CPVL: variants seen among roughly 807,000 people sequenced by gnomAD.
CPVL encodes probable serine carboxypeptidase CPVL.
Under a neutral mutation model 63.7 loss-of-function variants are expected in CPVL, and 51 were observed. The observed-to-expected ratio is 0.80, with a 90% CI of 0.64 to 1.01. The LOEUF (loss-of-function observed/expected upper bound fraction) is 1.01. Among genes scored for constraint, CPVL ranks in the 50% least tolerant of loss-of-function variants. The probability of loss-of-function intolerance (pLI) is 0.00; values close to 1 mark genes in which losing one functional copy is unlikely to be tolerated. For synonymous variants in CPVL, 195 were observed against 206.0 expected (o/e 0.95, Z 0.46); for missense variants, 530 against 573.1 (o/e 0.92, Z 0.77).
chr7:29,085,800 C>G (rs1490382528), intron 7 of CPVL, among the ~76,000 whole-genome samples: 1 of 152,158 alleles, frequency 6.6e-6, no homozygotes, highest in Non-Finnish European at 1.5e-5. Flanking sequence ...AATGATCTTG[C>G]TCAAATGTTT....
At chr7:29,070,631 C>A (rs914702889) in intron 9 of CPVL, among the ~76,000 whole-genome samples, 1 of 152,120 alleles carries the variant, frequency 6.6e-6, no homozygotes, top group African/African-American at 2.4e-5. Context: ...CACTTTGCAG[C>A]CACATTTAGT....
At chr7:29,036,441 A>C (rs1241607427) in intron 11 of CPVL, among the ~76,000 whole-genome samples, 1 of 152,222 alleles carries the variant, frequency 6.6e-6, no homozygotes, top group Non-Finnish European at 1.5e-5. Flanking sequence ...AAACCTTCAG[A>C]ATATAGGGAT....
intron 2 of CPVL, among the ~76,000 whole-genome samples, chr7:29,120,580 T>C (rs895705657): frequency 1.4e-4 from 21 of 151,960 alleles, no homozygotes; most frequent in Admixed American, 1.2e-3. Context: ...TCCCAGCACT[T>C]TGGGAGGCCG....
At chr7:29,156,438 C>A (rs1007906837) in intron 5 of CPVL, among the ~76,000 whole-genome samples, 6 of 152,102 alleles carry the variant, frequency 3.9e-5, no homozygotes, top group African/African-American at 1.4e-4. Flanking sequence ...CCGAAAACTC[C>A]ATAAAGCTCT....
intron 12 of CPVL, among the ~76,000 whole-genome samples, chr7:29,006,417 A>G (rs924310549): frequency 2.0e-5 from 3 of 152,194 alleles, no homozygotes; most frequent in African/African-American, 4.8e-5. Flanking sequence ...GGCTCTGGAA[A>G]TCAGATGAGC....
At chr7:29,180,114 C>A (rs181462597) in intron 5 of CPVL, among the ~76,000 whole-genome samples, 3 of 152,146 alleles carry the variant, frequency 2.0e-5, no homozygotes, top group African/African-American at 7.2e-5. Context: ...CTTAATATTC[C>A]GAAGTCAATC....
intron 5 of CPVL, among the ~76,000 whole-genome samples, chr7:29,166,472 C>T (rs1335644611): frequency 2.0e-5 from 3 of 151,834 alleles, no homozygotes; most frequent in Admixed American, 1.3e-4. Context: ...TTTGTTTGTT[C>T]GTTTGTTTGT....
intron 1 of CPVL, among the ~76,000 whole-genome samples, chr7:29,134,633 A>G (rs1004230859): frequency 5.9e-5 from 9 of 152,228 alleles, no homozygotes; most frequent in African/African-American, 2.2e-4. Flanking sequence ...TAATCTTAAG[A>G]AATCTTAAGA....
At chr7:29,148,100 A>G (rs1208599383), upstream of CPVL, among the ~76,000 whole-genome samples, 1 of 152,212 alleles carries the variant, frequency 6.6e-6, no homozygotes, top group Non-Finnish European at 1.5e-5. Flanking sequence ...ATGTTCGCCC[A>G]TGGGAGTACA....
rs913045614 is a variant in CPVL, at chr7:29,071,893, G to GC, written c.743dup (p.Tyr249LeufsTer13). ...CAATTTGGTACAGGAATTCTGCATA[G>GC]CCCCCTATAATCTGAGGACAAAAAA... is the stretch of plus-strand genomic sequence containing the variant. On this transcript the variant is annotated frameshift_variant, in exon 9 of 13. Transcript: ENST00000265394. LOFTEE classifies it high-confidence loss of function. 1 of 1,613,968 alleles carries GC rather than the reference G, an allele frequency of 6.2e-7. No homozygotes were observed. The highest frequency in any genetic ancestry group is 1.3e-5 in the African/African-American group (1 of 74,918).
chr7:29,183,693 C>A (rs965374640), intron 4 of CPVL, among the ~76,000 whole-genome samples: 1 of 151,856 alleles, frequency 6.6e-6, no homozygotes, highest in Non-Finnish European at 1.5e-5. Flanking sequence ...TTTTTAAGTG[C>A]TGAATTGGTG....
At chr7:29,017,396 G>A (rs1178910913) in intron 12 of CPVL, among the ~76,000 whole-genome samples, 1 of 152,230 alleles carries the variant, frequency 6.6e-6, no homozygotes, top group Non-Finnish European at 1.5e-5. Flanking sequence ...CACTTTGGGA[G>A]GCCGAGGCAG....
intron 2 of CPVL, among the ~76,000 whole-genome samples, chr7:29,114,036 G>A (rs1037849360): frequency 2.6e-5 from 4 of 152,104 alleles, no homozygotes; most frequent in Admixed American, 6.6e-5. Flanking sequence ...TGCCTTTGAC[G>A]GTAGGTGGAG....
intron 1 of CPVL, among the ~76,000 whole-genome samples, chr7:29,137,752 C>T (rs1220298405): frequency 2.6e-5 from 4 of 152,146 alleles, no homozygotes; most frequent in Non-Finnish European, 4.4e-5. Flanking sequence ...TTCTTCTTAA[C>T]GCCTATATCA....
intron 11 of CPVL, among the ~76,000 whole-genome samples, chr7:29,037,552 C>CAAAAAA (rs35631871): frequency 4.1e-3 from 227 of 54,962 alleles, no homozygotes; most frequent in Non-Finnish European, 5.6e-3. Flanking sequence ...GACTCCATCT[C>CAAAAAA]AAAAAAAAAA....
intron 11 of CPVL, among the ~76,000 whole-genome samples, chr7:29,056,520 C>G (rs936392540): frequency 6.6e-6 from 1 of 152,090 alleles, no homozygotes; most frequent in African/African-American, 2.4e-5. Context: ...GGCTTGATAG[C>G]TCGTTTTTTT....
chr7:29,129,778 T>A (rs1376590333), intron 1 of CPVL, among the ~76,000 whole-genome samples: 2 of 152,192 alleles, frequency 1.3e-5, no homozygotes, highest in East Asian at 3.9e-4. Flanking sequence ...TAAAAGTAAC[T>A]TTACACCAAC....
chr7:29,099,253 C>T (rs531743170), intron 3 of CPVL, among the ~76,000 whole-genome samples: 1 of 59,560 alleles, frequency 1.7e-5, no homozygotes, highest in South Asian at 4.8e-4. Context: ...ATGGCTTGAA[C>T]ACAATCTATC....
chr7:29,072,666 T>C (rs1783867829), intron 7 of CPVL, among the ~76,000 whole-genome samples: 2 of 152,128 alleles, frequency 1.3e-5, no homozygotes, highest in South Asian at 4.1e-4. Flanking sequence ...CAAGTGAACA[T>C]GTAATAAGTG....
Sources: gnomAD v4.1 joint callset for allele counts (sites outside exome capture counted in the v4.1 genomes callset) on GRCh38, gnomAD v4.1.1 for gene constraint, MANE v1.5 for transcripts, NCBI Gene and HGNC (gene_info 2026-07-23, HGNC 2026-07-21) for gene names.